Variants in JAZF1 observed in about 807,000 individuals in gnomAD.
JAZF1 encodes JAZF zinc finger 1.
JAZF1 carries 8 observed loss-of-function variants against 26.4 expected under a neutral mutation model. That is an observed-to-expected ratio of 0.30 (90% CI 0.18 to 0.55). The LOEUF (loss-of-function observed/expected upper bound fraction) is 0.55, where lower values mean the gene tolerates loss of function less well. JAZF1 is among the 20% of genes least tolerant of loss of function. The probability of loss-of-function intolerance (pLI) is 0.94; values close to 1 mark genes in which losing one functional copy is unlikely to be tolerated. For missense variants in JAZF1, 199 were observed against 322.0 expected, an observed-to-expected ratio of 0.62 and a Z score of 2.92; for synonymous variants, 126 against 122.3, an observed-to-expected ratio of 1.03 and a Z score of -0.20.
At chr7:27,919,146 G>C (rs190416661) in intron 2 of JAZF1, among the ~76,000 whole-genome samples, 1 of 152,300 alleles carries the variant, frequency 6.6e-6, no homozygotes, top group Admixed American at 6.5e-5. Context: ...ACACCTGTGG[G>C]TAGACTATCT....
chr7:28,113,503 T>C (rs1363278254), intron 1 of JAZF1, among the ~76,000 whole-genome samples: 1 of 152,146 alleles, frequency 6.6e-6, no homozygotes, highest in Non-Finnish European at 1.5e-5. Context: ...CACCTGGTTA[T>C]TCAACACCAG....
intron 1 of JAZF1, among the ~76,000 whole-genome samples, chr7:28,126,907 C>T (rs539308340): frequency 3.1e-4 from 47 of 152,246 alleles, no homozygotes; most frequent in South Asian, 2.1e-3. Flanking sequence ...AACCCTACCC[C>T]ACCCCCAGAA....
intron 1 of JAZF1, among the ~76,000 whole-genome samples, chr7:28,097,365 T>C (rs1183966625): frequency 6.6e-6 from 1 of 152,170 alleles, no homozygotes; most frequent in Non-Finnish European, 1.5e-5. Context: ...TTTAAACACA[T>C]ACAACATCAG....
At chr7:27,965,333 A>C (rs557886328) in intron 2 of JAZF1, among the ~76,000 whole-genome samples, 1 of 152,362 alleles carries the variant, frequency 6.6e-6, no homozygotes, top group South Asian at 2.1e-4. Context: ...GACAGGTATT[A>C]AAAGAAGATC....
At chr7:27,980,945 G>C (rs542461092) in intron 2 of JAZF1, among the ~76,000 whole-genome samples, 2 of 152,146 alleles carry the variant, frequency 1.3e-5, no homozygotes, top group South Asian at 4.2e-4. Context: ...GTTGTCTGTT[G>C]CTTGGCCCTC....
intron 3 of JAZF1, among the ~76,000 whole-genome samples, chr7:27,847,580 C>A (rs1340194117): frequency 6.6e-6 from 1 of 152,190 alleles, no homozygotes; most frequent in Non-Finnish European, 1.5e-5. Flanking sequence ...CGTCAAAAAG[C>A]AGTTGAATAC....
intron 1 of JAZF1, among the ~76,000 whole-genome samples, chr7:28,174,837 T>TGTGTGTGG (rs1783526302): frequency 8.2e-6 from 1 of 121,352 alleles, no homozygotes; most frequent in Admixed American, 8.6e-5. Flanking sequence ...TGTGTGTGTG[T>TGTGTGTGG]GTGTGTGTGT....
At chr7:27,999,228 G>A (rs1000127068) in intron 1 of JAZF1, among the ~76,000 whole-genome samples, 5 of 152,094 alleles carry the variant, frequency 3.3e-5, no homozygotes, top group African/African-American at 7.2e-5. Flanking sequence ...CCAAAACTTG[G>A]TCCCATTTAA....
At chr7:27,886,623 T>C (rs1220553085) in intron 3 of JAZF1, among the ~76,000 whole-genome samples, 1 of 152,242 alleles carries the variant, frequency 6.6e-6, no homozygotes, top group Non-Finnish European at 1.5e-5. Context: ...TTATTAATCA[T>C]CTGTGCTAAT....
chr7:28,008,936 A>G (rs533875356), intron 1 of JAZF1, among the ~76,000 whole-genome samples: 1 of 152,238 alleles, frequency 6.6e-6, no homozygotes, highest in Non-Finnish European at 1.5e-5. Context: ...ACCAAGATAC[A>G]TTTAAATGAT....
intron 1 of JAZF1, among the ~76,000 whole-genome samples, chr7:28,058,328 C>A (rs10229763): frequency 0.056 from 8,470 of 152,198 alleles, 785 homozygotes; most frequent in African/African-American, 0.19. Flanking sequence ...GGGTGGCCAG[C>A]CAGAGGAAGA....
intron 1 of JAZF1, among the ~76,000 whole-genome samples, chr7:28,069,868 C>A (rs1017900089): frequency 2.0e-5 from 3 of 152,182 alleles, no homozygotes; most frequent in Non-Finnish European, 2.9e-5. Context: ...TACTTGTCCC[C>A]TAAGAAGTCC....
At chr7:28,139,664 C>T (rs941957789) in intron 1 of JAZF1, among the ~76,000 whole-genome samples, 2 of 152,214 alleles carry the variant, frequency 1.3e-5, no homozygotes, top group South Asian at 2.1e-4. Flanking sequence ...ACAATAAATT[C>T]CTACTGTATC....
intron 1 of JAZF1, among the ~76,000 whole-genome samples, chr7:28,137,479 TC>T (rs1404811038): frequency 2.0e-5 from 3 of 152,166 alleles, no homozygotes; most frequent in Non-Finnish European, 4.4e-5. Context: ...GAACAAGCAA[TC>T]CATAGCAAAT....
intron 3 of JAZF1, among the ~76,000 whole-genome samples, chr7:27,856,457 G>A (rs188902161): frequency 3.8e-4 from 58 of 152,270 alleles, no homozygotes; most frequent in Admixed American, 7.8e-4. Context: ...GGACCTGAGC[G>A]GGTTGCCACT....
Position 27,840,677 on chromosome 7 carries a change from A to T in JAZF1, c.555+21T>A. Reference sequence around the variant, plus strand: ...GCCCTGTTTCCATGTGGTTATGCCAAGCATGCAGCACCTCTGTTACCTTGT... The same window carrying T: ...GCCCTGTTTCCATGTGGTTATGCCATGCATGCAGCACCTCTGTTACCTTGT... On this transcript the variant is annotated intron_variant, in intron 4 of 4. Coordinates refer to ENST00000283928, the MANE Select transcript of JAZF1 (RefSeq NM_175061.4). This position sits in a 1 kb window ranked among gnomAD's most constrained non-coding sequence, Gnocchi z 5.1. 2 of 1,612,554 alleles carry T rather than the reference A, an allele frequency of 1.2e-6. No individual in the cohort carries two copies. The highest frequency in any genetic ancestry group is 1.7e-6 in the Non-Finnish European group (2 of 1,179,158).
chr7:27,867,040 G>A (rs772381827), intron 3 of JAZF1, among the ~76,000 whole-genome samples: 1 of 152,196 alleles, frequency 6.6e-6, no homozygotes, highest in Non-Finnish European at 1.5e-5. Flanking sequence ...ACCAACTGCT[G>A]CTTGTGTCTG....
chr7:28,107,244 C>T (rs1402919418), intron 1 of JAZF1, among the ~76,000 whole-genome samples: 4 of 152,172 alleles, frequency 2.6e-5, no homozygotes, highest in Admixed American at 2.6e-4. Flanking sequence ...TATTTCTCAT[C>T]ATGGGCAGAG....
chr7:27,968,086 T>C (rs1785310290), intron 2 of JAZF1, among the ~76,000 whole-genome samples: 1 of 152,256 alleles, frequency 6.6e-6, no homozygotes, highest in Admixed American at 6.5e-5. Context: ...TTGTGGTAAT[T>C]CATATAGTTG....
Sources: allele counts gnomAD v4.1 joint callset (sites outside exome capture counted in the v4.1 genomes callset), GRCh38; gene constraint gnomAD v4.1.1; non-coding constraint Gnocchi (gnomAD v3.1); transcripts MANE v1.5; gene names NCBI Gene and HGNC (gene_info 2026-07-23, HGNC 2026-07-21).